Variants in IFT57 observed in about 807,000 individuals in gnomAD.
The protein encoded by IFT57 is intraflagellar transport protein 57 homolog.
In IFT57, 59 loss-of-function variants were observed where a neutral mutation model predicts 56.8. That is an observed-to-expected ratio of 1.04 (90% confidence interval 0.84 to 1.29). The LOEUF (loss-of-function observed/expected upper bound fraction) is 1.29, where lower values mean the gene tolerates loss of function less well. Among genes scored for constraint, IFT57 ranks in the 50% most tolerant of loss-of-function variants. IFT57 has a pLI of 0.00. For synonymous variants in IFT57, 209 were observed against 186.1 expected (o/e 1.12, Z -1.00); for missense variants, 470 against 522.1 (o/e 0.90, Z 0.97).
chr3:108,216,286 A>C (rs1449840702), intron 3 of IFT57, among the ~76,000 whole-genome samples: 4 of 152,224 alleles, frequency 2.6e-5, no homozygotes, highest in African/African-American at 4.8e-5. Context: ...CAACAAAAAA[A>C]CTAGTCTAAT....
intron 5 of IFT57, among the ~76,000 whole-genome samples, chr3:108,203,945 C>T (rs1254005227): frequency 6.6e-6 from 1 of 152,162 alleles, no homozygotes; most frequent in African/African-American, 2.4e-5. Flanking sequence ...AGTCACTTTC[C>T]TTGACAGTAT....
In IFT57 at chr3:108,165,511, T is replaced by G. The variant is rs1425451328; in HGVS notation, c.982-18A>C. On this transcript the variant is annotated intron_variant, in intron 8 of 10. Coordinates refer to ENST00000264538, the MANE Select transcript of IFT57 (RefSeq NM_018010.4). ...TCCTTTGCCTGAGAGGAAAAACATT[T>G]TGTTTAATGGCAAATTCAAAGCAGC... is the stretch of plus-strand genomic sequence containing the variant. 6.2e-7 allele frequency: 1 copy of G among 1,605,754 alleles called. No individual in the cohort carries two copies. Among genetic ancestry groups the G allele is most frequent in the Non-Finnish European group, 8.5e-7 (1 of 1,172,880 alleles).
At chr3:108,197,772 G>A (rs549407508) in intron 5 of IFT57, among the ~76,000 whole-genome samples, 1 of 152,236 alleles carries the variant, frequency 6.6e-6, no homozygotes, top group Non-Finnish European at 1.5e-5. Flanking sequence ...AATGTTAAGA[G>A]GATGGGTCTG....
At chr3:108,172,146 C>CAAAATA (rs1228451789) in intron 6 of IFT57, among the ~76,000 whole-genome samples, 1 of 151,836 alleles carries the variant, frequency 6.6e-6, no homozygotes, top group Non-Finnish European at 1.5e-5. Flanking sequence ...TGATGTAAAA[C>CAAAATA]TCCATGGAGG....
chr3:108,207,300 T>C (rs1216591030), intron 4 of IFT57, among the ~76,000 whole-genome samples: 1 of 152,112 alleles, frequency 6.6e-6, no homozygotes, highest in Non-Finnish European at 1.5e-5. Context: ...CAATTGGATG[T>C]AGAGGGCAGG....
At chr3:108,192,929 T>C (rs2080224213) in intron 5 of IFT57, among the ~76,000 whole-genome samples, 1 of 152,080 alleles carries the variant, frequency 6.6e-6, no homozygotes, top group Non-Finnish European at 1.5e-5. Context: ...TTTAAAATAC[T>C]ATGAGGCAAA....
At chr3:108,188,359 A>G (rs2080196270) in intron 6 of IFT57, among the ~76,000 whole-genome samples, 1 of 152,222 alleles carries the variant, frequency 6.6e-6, no homozygotes, top group African/African-American at 2.4e-5. Flanking sequence ...TAAATAAAGA[A>G]TTCACCTGAC....
intron 7 of IFT57, chr3:108,167,324 T>C (rs1224921032): frequency 5.1e-6 from 1 of 196,064 alleles, no homozygotes; most frequent in African/African-American, 2.4e-5. Flanking sequence ...CAAAGGTGAC[T>C]GAAATATTCC....
intron 4 of IFT57, among the ~76,000 whole-genome samples, chr3:108,208,740 A>G (rs2080327469): frequency 1.3e-5 from 2 of 152,172 alleles, no homozygotes; most frequent in African/African-American, 4.8e-5. Context: ...AGAAATTAAG[A>G]CTGCTACCTG....
chr3:108,170,095 AGCAT>A (rs1372665365), intron 6 of IFT57, among the ~76,000 whole-genome samples: 1 of 152,006 alleles, frequency 6.6e-6, no homozygotes, highest in Non-Finnish European at 1.5e-5. Context: ...GAAAAAGACA[AGCAT>A]GCCCTCTCAC....
chr3:108,166,223 T>TA (rs2080062016), intron 8 of IFT57, among the ~76,000 whole-genome samples: 1 of 152,070 alleles, frequency 6.6e-6, no homozygotes, highest in Non-Finnish European at 1.5e-5. Flanking sequence ...CAACTGTCCT[T>TA]ACTAGCCTTC....
At chr3:108,193,715 A>C (rs1408263366) in intron 5 of IFT57, among the ~76,000 whole-genome samples, 2 of 152,208 alleles carry the variant, frequency 1.3e-5, no homozygotes, top group African/African-American at 2.4e-5. Flanking sequence ...GTTACATGAG[A>C]ATGTGTACTA....
chr3:108,169,440 G>T (rs1315331306), intron 6 of IFT57, among the ~76,000 whole-genome samples: 1 of 151,810 alleles, frequency 6.6e-6, no homozygotes, highest in Non-Finnish European at 1.5e-5. Context: ...TAGGCTGCCT[G>T]TTCACTTGGA....
chr3:108,167,664 C>T lies in IFT57; in HGVS notation c.849+129G>A, dbSNP rs7642820. Reference sequence around the variant, plus strand: ...AAATGTAAGGTCAGTTGAAATGTAACACGGTACATTCAATTAGTAAGTTCC... The same window carrying T: ...AAATGTAAGGTCAGTTGAAATGTAATACGGTACATTCAATTAGTAAGTTCC... On this transcript the variant is annotated intron_variant, in intron 7 of 10. Transcript: ENST00000264538. The T allele has an allele frequency of 9.9e-4, 434 of 436,390 alleles. 3 individuals carry two copies. The highest frequency in any genetic ancestry group is 8.0e-3 in the African/African-American group (394 of 49,086). 27.0% of individuals were successfully genotyped at this position (436,390 alleles called of 1,614,324 possible). A position where few individuals can be genotyped will look rare whatever the true frequency, so the allele number is the denominator to read the frequency against.
intron 1 of IFT57, among the ~76,000 whole-genome samples, chr3:108,221,096 T>C (rs2080403548): frequency 6.6e-6 from 1 of 152,214 alleles, no homozygotes; most frequent in African/African-American, 2.4e-5. Context: ...TTTTCCTTTA[T>C]CTTTTCTCCG....
intron 4 of IFT57, among the ~76,000 whole-genome samples, chr3:108,212,397 T>C (rs548848592): frequency 1.4e-4 from 22 of 152,144 alleles, no homozygotes; most frequent in African/African-American, 4.6e-4. Flanking sequence ...GGTGATATAG[T>C]TTGGATATAT....
At chr3:108,203,058 C>T (rs921373004) in intron 5 of IFT57, among the ~76,000 whole-genome samples, 2 of 152,236 alleles carry the variant, frequency 1.3e-5, no homozygotes, top group African/African-American at 4.8e-5. Flanking sequence ...GAAGATCTTG[C>T]TGCTGAGCTT....
intron 10 of IFT57, 36 bp from the exon 11 acceptor site, chr3:108,162,691 A>T (rs1296542806): frequency 6.7e-7 from 1 of 1,500,100 alleles, no homozygotes; most frequent in East Asian, 2.3e-5. Flanking sequence ...AAAAATGTTC[A>T]TTTGGAGTAT....
At chr3:108,207,738 A>G (rs2080321073) in intron 4 of IFT57, among the ~76,000 whole-genome samples, 1 of 152,074 alleles carries the variant, frequency 6.6e-6, no homozygotes, top group Non-Finnish European at 1.5e-5. Flanking sequence ...TCTATCCCAT[A>G]TCTCCTCAGA....
Sources: allele counts gnomAD v4.1 joint callset (sites outside exome capture counted in the v4.1 genomes callset), GRCh38; gene constraint gnomAD v4.1.1; transcripts MANE v1.5; gene names NCBI Gene and HGNC (gene_info 2026-07-23, HGNC 2026-07-21).